The following RGS17 variants were observed in gnomAD, a reference collection of about 807,000 sequenced individuals.
RGS17 encodes regulator of G-protein signaling 17.
Under a neutral mutation model 25.5 loss-of-function variants are expected in RGS17, and 12 were observed. The ratio of observed to expected loss-of-function variants is 0.47; its 90% CI spans 0.30 to 0.76. The LOEUF is 0.76. Among genes scored for constraint, RGS17 ranks in the 30% least tolerant of loss-of-function variants. RGS17 has a pLI of 0.07. For synonymous variants in RGS17, 71 were observed against 76.9 expected, an observed-to-expected ratio of 0.92 and a Z score of 0.40; for missense variants, 196 against 242.2, an observed-to-expected ratio of 0.81 and a Z score of 1.27.
chr6:153,042,015 C>G (rs745333067), intron 2 of RGS17, among the ~76,000 whole-genome samples: 10 of 152,196 alleles, frequency 6.6e-5, no homozygotes, highest in Non-Finnish European at 1.5e-4. Flanking sequence ...ATTTAACTAA[C>G]TTGCTGAAGG....
chr6:153,018,635 A>G (rs532163823), intron 4 of RGS17, among the ~76,000 whole-genome samples: 11 of 152,214 alleles, frequency 7.2e-5, no homozygotes, highest in Non-Finnish European at 1.6e-4. Flanking sequence ...GACTACTTCT[A>G]TTCCATCTAA....
chr6:153,082,854 T>G (rs1307699588), intron 1 of RGS17, among the ~76,000 whole-genome samples: 1 of 152,164 alleles, frequency 6.6e-6, no homozygotes, highest in Non-Finnish European at 1.5e-5. Context: ...GGCCTATATT[T>G]AAGCTTTACT....
At chr6:153,083,431 T>A (rs2129119846) in intron 1 of RGS17, among the ~76,000 whole-genome samples, 1 of 152,184 alleles carries the variant, frequency 6.6e-6, no homozygotes, top group East Asian at 1.9e-4. Flanking sequence ...GTTGCCAGAT[T>A]TATGGAGACA....
intron 2 of RGS17, among the ~76,000 whole-genome samples, chr6:153,034,555 A>G (rs1243826068): frequency 1.3e-5 from 2 of 152,206 alleles, no homozygotes; most frequent in Non-Finnish European, 2.9e-5. Context: ...TGTGTACATG[A>G]CTAATCGCAT....
At chr6:153,087,812 T>C (rs1329520706) in intron 1 of RGS17, among the ~76,000 whole-genome samples, 1 of 152,054 alleles carries the variant, frequency 6.6e-6, no homozygotes, top group African/African-American at 2.4e-5. Flanking sequence ...AATTTCCAGG[T>C]GATTATGTAA....
chr6:153,054,114 G>GTATATATATATATATATA (rs1419620702), intron 1 of RGS17, among the ~76,000 whole-genome samples: 2 of 48,530 alleles, frequency 4.1e-5, no homozygotes, highest in Non-Finnish European at 3.7e-5. Context: ...ATATATATAT[G>GTATATATATATATATATA]TGTATATATA....
At chr6:153,128,718 T>A (rs906033660) in intron 1 of RGS17, among the ~76,000 whole-genome samples, 11 of 152,190 alleles carry the variant, frequency 7.2e-5, no homozygotes, top group Admixed American at 4.6e-4. Flanking sequence ...TATTATTATT[T>A]ATTATTATGC....
intron 1 of RGS17, among the ~76,000 whole-genome samples, chr6:153,079,561 A>C (rs530562601): frequency 9.2e-5 from 14 of 152,294 alleles, no homozygotes; most frequent in African/African-American, 3.4e-4. Context: ...TACTGATGTG[A>C]TCATATGGCT....
intron 1 of RGS17, among the ~76,000 whole-genome samples, chr6:153,111,480 G>C (rs1777468525): frequency 6.6e-6 from 1 of 152,192 alleles, no homozygotes; most frequent in South Asian, 2.1e-4. Context: ...CCCTGGGACA[G>C]AGCACCTGGG....
At chr6:153,068,342 G>A (rs1295343880) in intron 1 of RGS17, among the ~76,000 whole-genome samples, 3 of 152,162 alleles carry the variant, frequency 2.0e-5, no homozygotes, top group African/African-American at 7.2e-5. Flanking sequence ...AGCTACTTGG[G>A]AGGCTGGGGC....
In RGS17 at chr6:153,013,450, G is replaced by C. The variant is rs182425308; in HGVS notation, c.445-1688C>G. 7.2e-5 allele frequency among the ~76,000 whole-genome samples: 11 copies of C among 152,224 alleles called. No individual in the cohort carries two copies. In the East Asian group the frequency reaches 2.1e-3, roughly 29 times the overall value. On this transcript the variant is annotated intron_variant, in intron 4 of 4. Transcript: ENST00000206262. ...AGAAAACAATATTGAAATTAGGCCA[G>C]TTAATAACCCGCCAGTGGCCTCTAA...
chr6:153,020,109 AAAATATATAT>A (rs1342513033), intron 4 of RGS17, among the ~76,000 whole-genome samples: 5 of 60,874 alleles, frequency 8.2e-5, no homozygotes, highest in African/African-American at 3.5e-4. Flanking sequence ...TTAAAAAAAA[AAAATATATAT>A]ATATATATAT....
At position 153,006,293 on chromosome 6, in the gene RGS17, CA is replaced by C. The variant is rs1779073251; in HGVS notation, c.*5280del. 6.6e-6 allele frequency: 1 copy of C among 152,418 alleles called. No homozygotes were observed. Among genetic ancestry groups the C allele is most frequent in the African/African-American group, 2.4e-5 (1 of 41,428 alleles). 9.4% of individuals were successfully genotyped at this position (152,418 alleles called of 1,614,324 possible). A position where few individuals can be genotyped will look rare whatever the true frequency, so the allele number is the denominator to read the frequency against. On this transcript the variant is annotated 3_prime_UTR_variant, in exon 5 of 5. Coordinates refer to ENST00000206262, the MANE Select transcript of RGS17 (RefSeq NM_012419.5). Reference sequence around the variant, plus strand: ...CCCTATAACTCATTTATATATTTAGCAAGTAATTTGATATTATTTCTGTCCT... The same window carrying C: ...CCCTATAACTCATTTATATATTTAGCAGTAATTTGATATTATTTCTGTCCT...
At chr6:153,021,222 C>A (rs1316038424) in intron 4 of RGS17, among the ~76,000 whole-genome samples, 2 of 152,186 alleles carry the variant, frequency 1.3e-5, no homozygotes, top group African/African-American at 4.8e-5. Flanking sequence ...GGATTAAAAT[C>A]CTGTGCACCT....
intron 1 of RGS17, among the ~76,000 whole-genome samples, chr6:153,122,362 C>T (rs7771073): frequency 0.11 from 16,942 of 152,046 alleles, 1,039 homozygotes; most frequent in East Asian, 0.18. Context: ...GTTTTGAGTA[C>T]TCAAAATGAT....
intron 1 of RGS17, among the ~76,000 whole-genome samples, chr6:153,114,684 G>A (rs914129864): frequency 1.3e-5 from 2 of 152,050 alleles, no homozygotes; most frequent in African/African-American, 4.8e-5. Flanking sequence ...TCCTCAATAA[G>A]ATACTGGCAA....
At chr6:153,117,559 A>G (rs1298622244) in intron 1 of RGS17, among the ~76,000 whole-genome samples, 1 of 152,244 alleles carries the variant, frequency 6.6e-6, no homozygotes, top group African/African-American at 2.4e-5. Context: ...TGATCAATTC[A>G]TATTAGTACC....
intron 1 of RGS17, among the ~76,000 whole-genome samples, chr6:153,068,582 C>G (rs1172419630): frequency 6.6e-6 from 1 of 152,100 alleles, no homozygotes; most frequent in African/African-American, 2.4e-5. Flanking sequence ...CATAGGCAAC[C>G]AACGCAAAAA....
intron 4 of RGS17, among the ~76,000 whole-genome samples, chr6:153,017,038 G>C (rs576527593): frequency 5.4e-4 from 82 of 152,128 alleles, no homozygotes; most frequent in Non-Finnish European, 9.6e-4. Flanking sequence ...AGCTATCCTC[G>C]GGCAATGCAT....
Sources: allele counts gnomAD v4.1 joint callset (sites outside exome capture counted in the v4.1 genomes callset), GRCh38; gene constraint gnomAD v4.1.1; transcripts MANE v1.5; gene names NCBI Gene and HGNC (gene_info 2026-07-23, HGNC 2026-07-21).